The following TRAPPC13 variants were observed in gnomAD, a reference collection of about 807,000 sequenced individuals.
The protein encoded by TRAPPC13 is trafficking protein particle complex subunit 13, also known as REV7-interacting novel NHEJ regulator 1.
Under a neutral mutation model 54.0 loss-of-function variants are expected in TRAPPC13, and 39 were observed. The ratio of observed to expected loss-of-function variants is 0.72; its 90% CI spans 0.56 to 0.94. The LOEUF is 0.94. Ranked by LOEUF, TRAPPC13 falls within the 40% of genes least tolerant of loss-of-function variation. TRAPPC13 has a pLI of 0.00. For missense variants in TRAPPC13, 386 were observed against 488.1 expected, an observed-to-expected ratio of 0.79 and a Z score of 1.97; for synonymous variants, 148 against 167.7, an observed-to-expected ratio of 0.88 and a Z score of 0.91.
At chr5:65,645,967 C>A (rs1157550595) in intron 4 of TRAPPC13, among the ~76,000 whole-genome samples, 1 of 151,874 alleles carries the variant, frequency 6.6e-6, no homozygotes, top group Non-Finnish European at 1.5e-5. Flanking sequence ...TTCATCCATT[C>A]ATTATTCAAC....
rs1215830696 is a variant in TRAPPC13 at position 65,660,699 on chromosome 5, T to G, written c.699T>G (p.Cys233Trp). The change falls in exon 10 of 13, where the codon TGT becomes TGG. Residue 233 changes from cysteine to tryptophan, a missense_variant and splice_region_variant. By Grantham distance (215) the Cys-to-Trp change is radical. Transcript: ENST00000399438. Reference protein sequence around the residue: ...ELNSVSQAGECVSTFGSRAYL... With the variant: ...ELNSVSQAGEWVSTFGSRAYL... The stretch of plus-strand genomic sequence containing the variant: ...CCGTCTCTGTCTCCACCCCTCTCAG[T>G]GTGTCTACGTTTGGGTCAAGAGCAT... 1.9e-6 allele frequency: 3 copies of G among 1,590,252 alleles called. No homozygotes were observed. The East Asian group carries it at 6.8e-5, about 36-fold the overall frequency.
chr5:65,639,798 A>G (rs555324913), intron 4 of TRAPPC13, among the ~76,000 whole-genome samples: 16 of 152,248 alleles, frequency 1.1e-4, no homozygotes. Context: ...AAATTAAAAG[A>G]TAGAATATGC....
intron 9 of TRAPPC13, 95 bp downstream of exon 9, chr5:65,658,596 CTTTT>C (rs34351655): frequency 1.8e-6 from 2 of 1,114,768 alleles, no homozygotes; most frequent in East Asian, 6.0e-5. Context: ...TTTTAATAGA[CTTTT>C]TTTAAAGAAT....
chr5:65,664,688 T>C lies in TRAPPC13; in HGVS notation c.*77T>C, dbSNP rs1251381151. ...TTGTTACCTTTGTAAAATGATGACG[T>C]CAACAACGAAGTAAATATGTTACTT... On this transcript the variant is annotated 3_prime_UTR_variant, in exon 13 of 13. Coordinates refer to ENST00000399438, the MANE Select transcript of TRAPPC13 (RefSeq NM_024941.4). The C allele has an allele frequency of 9.8e-7, 1 of 1,018,044 alleles. No homozygotes were observed. Among genetic ancestry groups the C allele is most frequent in the African/African-American group, 1.6e-5 (1 of 61,876 alleles). The allele number at this position is 1,018,044 out of a possible 1,614,324, so 63.1% of individuals were successfully genotyped here.
At position 65,633,772 on chromosome 5, in the gene TRAPPC13, C is replaced by CT. The variant is rs1195913917; in HGVS notation, c.47-1520dup. On this transcript the variant is annotated intron_variant, in intron 1 of 12. Transcript: ENST00000399438. ...TTAGACTATAATAAATATTCAATTTCTTTTTTTTTACTTTTCTGTGGCTTA... is the reference window on the plus strand; with the variant it reads ...TTAGACTATAATAAATATTCAATTTCTTTTTTTTTTACTTTTCTGTGGCTTA... 3.0e-3 allele frequency among the ~76,000 whole-genome samples: 458 copies of CT among 150,462 alleles called. 4 individuals are homozygous for CT. Among genetic ancestry groups the CT allele is most frequent in the African/African-American group, 9.3e-3 (381 of 41,086 alleles).
chr5:65,642,316 C>G (rs1182286380), intron 4 of TRAPPC13, among the ~76,000 whole-genome samples: 1 of 150,366 alleles, frequency 6.7e-6, no homozygotes, highest in East Asian at 2.0e-4. Flanking sequence ...GTGTGAGACT[C>G]CATCTAAAAA....
At position 65,625,028 on chromosome 5, in the gene TRAPPC13, C is replaced by A. The variant is rs1755137524; in HGVS notation, c.-33C>A. ...CGGGGCAAGTTGAACCTGTCCAGCC[C>A]CCGTAGGCTGTGGGTCAAAAGTGCC... is the stretch of plus-strand genomic sequence containing the variant. On this transcript the variant is annotated 5_prime_UTR_variant, in exon 1 of 13. Coordinates refer to ENST00000399438, the MANE Select transcript of TRAPPC13 (RefSeq NM_024941.4). 5.0e-6 allele frequency: 8 copies of A among 1,602,596 alleles called. No homozygotes were observed. In the East Asian group the frequency reaches 8.9e-5, roughly 18 times the overall value.
rs190012375 is a variant in TRAPPC13, at chr5:65,648,610, A to G, written c.428+1428A>G. Among the ~76,000 whole-genome samples, 162 of 152,284 alleles carry G rather than the reference A, an allele frequency of 1.1e-3. 2 individuals carry two copies. The highest frequency in any genetic ancestry group is 3.7e-3 in the African/African-American group (153 of 41,560). ...TTTAGATCCTCTACCTTGCTATACT[A>G]TTCTTACTGTGAGCACTTAGAAGGC... On this transcript the variant is annotated intron_variant, in intron 5 of 12. Coordinates refer to ENST00000399438, the MANE Select transcript of TRAPPC13 (RefSeq NM_024941.4).
chr5:65,647,247 G>C (rs1756249834), intron 5 of TRAPPC13, 65 bp downstream of exon 5: 1 of 1,468,738 alleles, frequency 6.8e-7, no homozygotes, highest in Non-Finnish European at 9.1e-7. Flanking sequence ...TGAAATTTTT[G>C]CTTTCTTTTC....
chr5:65,650,779 T>C, intron 5 of TRAPPC13, 31 bp from the exon 6 acceptor site: 1 of 1,572,402 alleles, frequency 6.4e-7, no homozygotes. Flanking sequence ...TAAAAATGAC[T>C]CAGAATCGTT....
chr5:65,645,708 G>A (rs778103267), intron 4 of TRAPPC13, among the ~76,000 whole-genome samples: 75 of 152,140 alleles, frequency 4.9e-4, no homozygotes, highest in Non-Finnish European at 8.7e-4. Context: ...GGAGGCTGAG[G>A]CAGGAGAATG....
chr5:65,635,082 C>T (rs188980500), intron 1 of TRAPPC13: 5 of 513,184 alleles, frequency 9.7e-6, no homozygotes, highest in Middle Eastern at 1.0e-3. Context: ...TTTTATAATT[C>T]ATAGGTTGTA....
intron 1 of TRAPPC13, chr5:65,626,219 AAT>A (rs1755221576): frequency 6.6e-6 from 1 of 152,216 alleles, no homozygotes; most frequent in Admixed American, 6.5e-5. Flanking sequence ...ATGTGGAGTA[AAT>A]ATTAATTCTC....
At chr5:65,639,989 A>G (rs1302243702) in intron 4 of TRAPPC13, among the ~76,000 whole-genome samples, 1 of 152,214 alleles carries the variant, frequency 6.6e-6, no homozygotes, top group Admixed American at 6.5e-5. Flanking sequence ...ATAGAGTTTT[A>G]AAGTTAACAA....
intron 4 of TRAPPC13, among the ~76,000 whole-genome samples, chr5:65,639,082 C>T (rs1755870651): frequency 6.6e-6 from 1 of 151,992 alleles, no homozygotes; most frequent in Non-Finnish European, 1.5e-5. Flanking sequence ...AGTAATACTC[C>T]ATCCCCCAAA....
intron 7 of TRAPPC13, among the ~76,000 whole-genome samples, 155 bp from the exon 8 acceptor site, chr5:65,655,481 C>A (rs1267999857): frequency 2.0e-5 from 3 of 152,046 alleles, no homozygotes; most frequent in African/African-American, 7.2e-5. Context: ...TGTCATATTT[C>A]TTTATGTTGC....
At chr5:65,637,066 C>T (rs1347054305) in intron 3 of TRAPPC13, among the ~76,000 whole-genome samples, 2 of 152,332 alleles carry the variant, frequency 1.3e-5, no homozygotes, top group Middle Eastern at 3.4e-3. Flanking sequence ...AAACTTGGCT[C>T]TCTCTAACCT....
chr5:65,639,962 T>A (rs1755902593), intron 4 of TRAPPC13, among the ~76,000 whole-genome samples: 1 of 152,200 alleles, frequency 6.6e-6, no homozygotes, highest in South Asian at 2.1e-4. Context: ...CTAATTAGAA[T>A]GAGTTTGAAA....
At chr5:65,662,228 A>C (rs1756872915) in intron 11 of TRAPPC13, 78 bp downstream of exon 11, 1 of 1,003,698 alleles carries the variant, frequency 1.0e-6, no homozygotes, top group African/African-American at 1.7e-5. Flanking sequence ...TTTTGTTACT[A>C]TCTCCTTTTA....
Sources: gnomAD v4.1 joint callset for allele counts (sites outside exome capture counted in the v4.1 genomes callset) on GRCh38, gnomAD v4.1.1 for gene constraint, MANE v1.5 for transcripts, NCBI Gene and HGNC (gene_info 2026-07-23, HGNC 2026-07-21) for gene names.